The following RFTN1 variants were observed in gnomAD, a reference collection of about 807,000 sequenced individuals.
RFTN1 encodes the protein raftlin.
A neutral mutation model predicts 46.5 loss-of-function variants in RFTN1; 26 were observed. The observed-to-expected ratio is 0.56, with a 90% CI of 0.41 to 0.78. RFTN1 has a LOEUF of 0.78. Among genes scored for constraint, RFTN1 ranks in the 30% least tolerant of loss-of-function variants. The pLI is 0.00. For missense variants in RFTN1, 693 were observed against 718.7 expected (o/e 0.96, Z 0.41); for synonymous variants, 261 against 284.2 (o/e 0.92, Z 0.82).
At chr3:16,432,675 G>GAA (rs199549515) in intron 3 of RFTN1, among the ~76,000 whole-genome samples, 1 of 146,126 alleles carries the variant, frequency 6.8e-6, no homozygotes, top group Non-Finnish European at 1.5e-5. Flanking sequence ...TGTTTCTACA[G>GAA]AAAAAAAAAA....
At position 16,504,399 on chromosome 3, in the gene RFTN1, C is replaced by A. The variant is rs1477583119; in HGVS notation, c.-9+9043G>T. On this transcript the variant is annotated intron_variant, in intron 1 of 9. Coordinates refer to ENST00000334133, the MANE Select transcript of RFTN1 (RefSeq NM_015150.2). This position sits in a 1 kb window ranked among gnomAD's most constrained non-coding sequence, Gnocchi z 4.4. Reference sequence around the variant, plus strand: ...TCCACACTGATTTTCTTAGCAACTACCCAAAATGTAGCTTGTAAAGATATG... The same window carrying A: ...TCCACACTGATTTTCTTAGCAACTAACCAAAATGTAGCTTGTAAAGATATG... 6.6e-6 allele frequency among the ~76,000 whole-genome samples: 1 copy of A among 152,190 alleles called. No homozygotes were observed. Among genetic ancestry groups the A allele is most frequent in the African/African-American group, 2.4e-5 (1 of 41,436 alleles).
chr3:16,441,909 A>G (rs2075632669), intron 2 of RFTN1, among the ~76,000 whole-genome samples: 1 of 152,192 alleles, frequency 6.6e-6, no homozygotes, highest in South Asian at 2.1e-4. Context: ...AATTTAGCAA[A>G]ACACTAAAAT....
At chr3:16,333,119 A>G (rs1039523010) in intron 7 of RFTN1, among the ~76,000 whole-genome samples, 19 of 152,244 alleles carry the variant, frequency 1.2e-4, no homozygotes, top group Non-Finnish European at 2.5e-4. Context: ...AAAGCACATC[A>G]TAGCATTCCT....
In RFTN1 at chr3:16,466,672, G is replaced by A. The variant is rs73146230; in HGVS notation, c.145+27053C>T. Among the ~76,000 whole-genome samples, 1,386 of 152,158 alleles carry A rather than the reference G, an allele frequency of 9.1e-3. 25 individuals carry two copies. Among genetic ancestry groups the A allele is most frequent in the African/African-American group, 0.031 (1,303 of 41,484 alleles). On this transcript the variant is annotated intron_variant, in intron 2 of 9. Transcript: ENST00000334133. This position sits in a 1 kb window ranked among gnomAD's most constrained non-coding sequence, Gnocchi z 5.6. ...AAGTTTCTTCCAACCTGTTACCTGC[G>A]AATTTCAAAATCATACCTCCTGTCT... is the stretch of plus-strand genomic sequence containing the variant.
At chr3:16,476,301 A>ATCAT (rs1175805863) in intron 2 of RFTN1, among the ~76,000 whole-genome samples, 1 of 152,198 alleles carries the variant, frequency 6.6e-6, no homozygotes, top group African/African-American at 2.4e-5. Context: ...TTTCATATTA[A>ATCAT]TCATTCACTC....
chr3:16,341,918 A>G lies in RFTN1; in HGVS notation c.1147-15042T>C, dbSNP rs1200415696. 2.0e-5 allele frequency among the ~76,000 whole-genome samples: 3 copies of G among 152,196 alleles called. No homozygotes were observed. The highest frequency in any genetic ancestry group is 1.3e-4 in the Admixed American group (2 of 15,290). On this transcript the variant is annotated intron_variant, in intron 7 of 9. Transcript: ENST00000334133. This position sits in a 1 kb window ranked among gnomAD's most constrained non-coding sequence, Gnocchi z 4.7. ...GAATATACACAGGAAGGATTATCCT[A>G]AGATGCTATGCAGCTACCTTCTAGT...
rs554937640 is a variant in RFTN1, at chr3:16,465,509, C to A, written c.145+28216G>T. ...TAAAAATCCAAAATCCAATACAGTT[C>A]GAAACTTAACAATAATTTAAAAGAA... is the stretch of plus-strand genomic sequence containing the variant. On this transcript the variant is annotated intron_variant, in intron 2 of 9. Transcript: ENST00000334133. This position sits in a 1 kb window ranked among gnomAD's most constrained non-coding sequence, Gnocchi z 5.1. 1.3e-5 allele frequency among the ~76,000 whole-genome samples: 2 copies of A among 151,614 alleles called. No individual in the cohort carries two copies. The highest frequency in any genetic ancestry group is 6.6e-5 in the Admixed American group (1 of 15,206).
chr3:16,500,768 C>T lies in RFTN1; in HGVS notation c.-8-6891G>A, dbSNP rs964449299. ...TTCCATGAGGGAGGGAAATTATGTT[C>T]CAAATTCATTCATCCATCCATTCAT... On this transcript the variant is annotated intron_variant, in intron 1 of 9. Coordinates refer to ENST00000334133, the MANE Select transcript of RFTN1 (RefSeq NM_015150.2). This position sits in a 1 kb window ranked among gnomAD's most constrained non-coding sequence, Gnocchi z 5.9. Among the ~76,000 whole-genome samples, 2 of 152,142 alleles carry T rather than the reference C, an allele frequency of 1.3e-5. No homozygotes were observed. Among genetic ancestry groups the T allele is most frequent in the African/African-American group, 4.8e-5 (2 of 41,424 alleles).
intron 2 of RFTN1, among the ~76,000 whole-genome samples, chr3:16,471,659 A>G (rs1212925643): frequency 6.6e-6 from 1 of 151,970 alleles, no homozygotes; most frequent in African/African-American, 2.4e-5. Context: ...AAGTTTTTAA[A>G]TAGACACACA....
intron 4 of RFTN1, among the ~76,000 whole-genome samples, chr3:16,399,629 T>C (rs2074555070): frequency 6.6e-6 from 1 of 152,152 alleles, no homozygotes; most frequent in South Asian, 2.1e-4. Context: ...CTAAGGCCTT[T>C]TTCCTTCACA....
At chr3:16,324,896 C>G (rs1323710964) in intron 8 of RFTN1, among the ~76,000 whole-genome samples, 4 of 152,016 alleles carry the variant, frequency 2.6e-5, no homozygotes, top group Non-Finnish European at 5.9e-5. Flanking sequence ...TGAGAAACCT[C>G]TGTACTATTT....
Position 16,383,493 on chromosome 3 carries a change from A to G in RFTN1, c.442-5391T>C, listed in dbSNP as rs1398227046. Among the ~76,000 whole-genome samples the G allele has an allele frequency of 6.6e-6, 1 of 152,230 alleles. No homozygotes were observed. Among genetic ancestry groups the G allele is most frequent in the Non-Finnish European group, 1.5e-5 (1 of 68,038 alleles). On this transcript the variant is annotated intron_variant, in intron 4 of 9. Transcript: ENST00000334133. This position sits in a 1 kb window ranked among gnomAD's most constrained non-coding sequence, Gnocchi z 4.0. ...TCTTTTTAAAAAAATGTAGTTATAT[A>G]AAAAGTCACAAGTCATTGTAAAAAA...
Position 16,447,070 on chromosome 3 carries a change from C to T in RFTN1, c.146-13033G>A, listed in dbSNP as rs2075745462. 6.6e-6 allele frequency among the ~76,000 whole-genome samples: 1 copy of T among 152,168 alleles called. No individual in the cohort carries two copies. The highest frequency in any genetic ancestry group is 2.4e-5 in the African/African-American group (1 of 41,436). Reference sequence around the variant, plus strand: ...AGAAGACCACTCATTTGTTCAAAGGCACCACCCCAAGACACACCAGCAAAT... The same window carrying T: ...AGAAGACCACTCATTTGTTCAAAGGTACCACCCCAAGACACACCAGCAAAT... On this transcript the variant is annotated intron_variant, in intron 2 of 9. Coordinates refer to ENST00000334133, the MANE Select transcript of RFTN1 (RefSeq NM_015150.2). The surrounding 1 kb of genome is among the most constrained non-coding windows in gnomAD (Gnocchi z 5.9).
intron 6 of RFTN1, among the ~76,000 whole-genome samples, chr3:16,367,807 G>A (rs577751799): frequency 6.6e-6 from 1 of 152,178 alleles, no homozygotes; most frequent in South Asian, 2.1e-4. Context: ...AATGGTAGAG[G>A]AACAGCAAAT....
chr3:16,505,486 T>C (rs897637685), intron 1 of RFTN1, among the ~76,000 whole-genome samples: 89 of 152,292 alleles, frequency 5.8e-4, no homozygotes, highest in African/African-American at 2.1e-3. Flanking sequence ...GAGGTATTTA[T>C]TATAAGGAAT....
rs1244674080 is a variant in RFTN1 at position 16,383,952 on chromosome 3, G to A, written c.442-5850C>T. 1.3e-5 allele frequency among the ~76,000 whole-genome samples: 2 copies of A among 152,168 alleles called. No homozygotes were observed. Among genetic ancestry groups the A allele is most frequent in the Non-Finnish European group, 2.9e-5 (2 of 68,018 alleles). On this transcript the variant is annotated intron_variant, in intron 4 of 9. Transcript: ENST00000334133. This position sits in a 1 kb window ranked among gnomAD's most constrained non-coding sequence, Gnocchi z 4.0. ...CTGAACTATGGTGACCAATTGTTTG[G>A]TAAAACTCTAGTCTAGATGTTGCTG... is the stretch of plus-strand genomic sequence containing the variant.
intron 2 of RFTN1, among the ~76,000 whole-genome samples, chr3:16,438,054 T>C (rs1403506857): frequency 6.6e-6 from 1 of 152,158 alleles, no homozygotes; most frequent in Non-Finnish European, 1.5e-5. Flanking sequence ...CCCCTCTCCT[T>C]TGATAAAACT....
At chr3:16,478,924 T>C (rs1388067491) in intron 2 of RFTN1, among the ~76,000 whole-genome samples, 1 of 152,162 alleles carries the variant, frequency 6.6e-6, no homozygotes, top group Admixed American at 6.5e-5. Flanking sequence ...AGCTACAATC[T>C]TTTTGTAACC....
In RFTN1 at chr3:16,433,923, T is replaced by G; in HGVS notation, c.260A>C (p.Gln87Pro). 6.2e-7 allele frequency: 1 copy of G among 1,614,206 alleles called. No individual in the cohort carries two copies. The highest frequency in any genetic ancestry group is 8.5e-7 in the Non-Finnish European group (1 of 1,180,026). ...FSLAALHPFV[Q>P]PTHEREKTPL... The stretch of plus-strand genomic sequence containing the variant: ...CGTCTTCTCCCGCTCATGGGTGGGC[T>G]GCACGAAGGGGTGCAGGGCCGCCAG... Residue 87 changes from glutamine (Q) to proline (P), a missense_variant, in exon 3 of 10, where the codon CAG becomes CCG. By Grantham distance (76) the Gln-to-Pro change is moderately conservative. Transcript: ENST00000334133. The surrounding 1 kb of genome is among the most constrained non-coding windows in gnomAD (Gnocchi z 4.4).
Sources: gnomAD v4.1 joint callset for allele counts (sites outside exome capture counted in the v4.1 genomes callset) on GRCh38, gnomAD v4.1.1 for gene constraint, Gnocchi (gnomAD v3.1) non-coding constraint, MANE v1.5 for transcripts, NCBI Gene and HGNC (gene_info 2026-07-23, HGNC 2026-07-21) for gene names.